GPD2: variants seen among roughly 807,000 people sequenced by gnomAD.
The protein encoded by GPD2 is glycerol-3-phosphate dehydrogenase, mitochondrial.
A neutral mutation model predicts 82.4 loss-of-function variants in GPD2; 54 were observed. The ratio of observed to expected loss-of-function variants is 0.66; its 90% confidence interval spans 0.53 to 0.82. The LOEUF (loss-of-function observed/expected upper bound fraction) is 0.82. Ranked by LOEUF, GPD2 falls within the 40% of genes least tolerant of loss-of-function variation. The probability of loss-of-function intolerance (pLI) is 0.00; values close to 1 mark genes in which losing one functional copy is unlikely to be tolerated. For missense variants in GPD2, 748 were observed against 896.2 expected (o/e 0.83, Z 2.11); for synonymous variants, 288 against 306.1 (o/e 0.94, Z 0.62).
chr2:156,579,250 G>A (rs1574022855), intron 15 of GPD2, 86 bp downstream of exon 15: 1 of 765,326 alleles, frequency 1.3e-6, no homozygotes, highest in Non-Finnish European at 2.3e-6. Context: ...TTTTCTACAA[G>A]TAATATTTTT....
intron 1 of GPD2, among the ~76,000 whole-genome samples, chr2:156,443,806 C>T (rs1350108993): frequency 6.6e-6 from 1 of 152,184 alleles, no homozygotes; most frequent in African/African-American, 2.4e-5. Flanking sequence ...CAATTTCTCC[C>T]TTCCCCCTAC....
Position 156,569,477 on chromosome 2 carries a change from G to C in GPD2, c.1415G>C (p.Gly472Ala). 6.2e-7 allele frequency: 1 copy of C among 1,612,932 alleles called. No homozygotes were observed. Among genetic ancestry groups the C allele is most frequent in the Non-Finnish European group, 8.5e-7 (1 of 1,179,102 alleles). Residue 472 changes from glycine (G) to alanine (A), a missense_variant, in exon 11 of 17, where the codon GGT (glycine) becomes GCT (alanine). Physicochemically the swap from Gly to Ala is moderately conservative, Grantham distance 60 (BLOSUM62 0). Around this residue, in one of 3 missense-constraint regions of GPD2, gnomAD observed 692 missense variants for 809.7 expected, o/e 0.85. Transcript: ENST00000438166. Reference protein sequence around the residue: ...SRTVGLFLQGGKDWSPTLYIR... With the variant: ...SRTVGLFLQGAKDWSPTLYIR... ...ACAGTTGGGCTTTTCCTTCAAGGGG[G>C]TAAAGATTGGAGCCCCACACTCTAC... is the stretch of plus-strand genomic sequence containing the variant.
rs769451181 is a variant in GPD2 at position 156,570,069 on chromosome 2, G to A, written c.1477-18G>A. On this transcript the variant is annotated intron_variant, in intron 11 of 16. Transcript: ENST00000438166. ...TTGATATTCAAAGTGCCTGCCTAAC[G>A]CAGCTTTATTTCTCTAGGTGGCACA... The A allele has an allele frequency of 1.9e-5, 30 of 1,609,366 alleles. No homozygotes were observed. Among genetic ancestry groups the A allele is most frequent in the Admixed American group, 1.0e-4 (6 of 59,868 alleles).
chr2:156,557,950 T>G (rs1042404035), intron 9 of GPD2, among the ~76,000 whole-genome samples: 2 of 152,198 alleles, frequency 1.3e-5, no homozygotes, highest in Non-Finnish European at 2.9e-5. Flanking sequence ...CAATAGGAAA[T>G]AATTAAGCAA....
At chr2:156,439,443 A>T (rs1238208669) in intron 1 of GPD2, among the ~76,000 whole-genome samples, 5 of 141,748 alleles carry the variant, frequency 3.5e-5, no homozygotes, top group Admixed American at 7.3e-5. Context: ...TTAACCAGGC[A>T]TGGTGGCACG....
chr2:156,577,108 T>G (rs1558971072), intron 13 of GPD2, among the ~76,000 whole-genome samples: 4 of 152,218 alleles, frequency 2.6e-5, no homozygotes, highest in Non-Finnish European at 5.9e-5. Flanking sequence ...TTTAATTTTG[T>G]TATTTAAGAA....
chr2:156,451,461 GCGGGGGGC>G (rs1682574419), intron 1 of GPD2, among the ~76,000 whole-genome samples: 2 of 102,608 alleles, frequency 1.9e-5, no homozygotes, highest in Non-Finnish European at 2.1e-5. Flanking sequence ...GGCTGGCCGG[GCGGGGGGC>G]TGACCCCCCC....
intron 8 of GPD2, among the ~76,000 whole-genome samples, chr2:156,556,247 G>A (rs371866826): frequency 4.6e-5 from 7 of 151,938 alleles, no homozygotes; most frequent in Non-Finnish European, 8.8e-5. Context: ...ATAGAATTAC[G>A]TTTCCATATT....
the GPD2 span, among the ~76,000 whole-genome samples, chr2:156,400,775 G>A: frequency 1.4e-4 from 21 of 152,234 alleles, no homozygotes; most frequent in Non-Finnish European, 2.2e-4. Flanking sequence ...GCTGGGGGAT[G>A]TAGCTCAGTG....
At chr2:156,511,142 G>GA (rs2105270054) in intron 4 of GPD2, among the ~76,000 whole-genome samples, 1 of 152,306 alleles carries the variant, frequency 6.6e-6, no homozygotes, top group Non-Finnish European at 1.5e-5. Flanking sequence ...CAAGCATGTT[G>GA]AAGTAGCAGA....
At chr2:156,552,108 C>T (rs1364272825) in intron 8 of GPD2, among the ~76,000 whole-genome samples, 1 of 152,126 alleles carries the variant, frequency 6.6e-6, no homozygotes, top group Non-Finnish European at 1.5e-5. Context: ...TAATTGGTAC[C>T]AGATACACTT....
chr2:156,470,953 C>T (rs1228514397), intron 1 of GPD2, among the ~76,000 whole-genome samples: 4 of 152,228 alleles, frequency 2.6e-5, no homozygotes, highest in African/African-American at 9.6e-5. Flanking sequence ...ACCTATTACT[C>T]TTGGGAGTTT....
Position 156,465,341 on chromosome 2 carries a change from TTTTC to T in GPD2, c.-8-10737_-8-10734del, listed in dbSNP as rs201925128. Among the ~76,000 whole-genome samples the T allele has an allele frequency of 2.8e-3, 323 of 113,966 alleles. 3 individuals are homozygous for T. Among genetic ancestry groups the T allele is most frequent in the African/African-American group, 9.0e-3 (306 of 34,050 alleles). 74.8% of individuals were successfully genotyped at this position (113,966 alleles called of 152,430 possible). A position where few individuals can be genotyped will look rare whatever the true frequency, so the allele number is the denominator to read the frequency against. On this transcript the variant is annotated intron_variant, in intron 1 of 16. Transcript: ENST00000438166. The stretch of plus-strand genomic sequence containing the variant: ...GCAAGGTAAAGGACTTTTTCTTTTC[TTTTC>T]TTTCTTTCTTTCTTTCTTTTTTTTT...
chr2:156,527,524 C>T (rs536603605), intron 6 of GPD2, among the ~76,000 whole-genome samples: 15 of 152,046 alleles, frequency 9.9e-5, no homozygotes, highest in South Asian at 2.1e-4. Context: ...TACAGGCACA[C>T]GCAACTAACC....
At chr2:156,569,018 A>C (rs1171310806) in intron 10 of GPD2, 59 bp downstream of exon 10, 11 of 1,375,210 alleles carry the variant, frequency 8.0e-6, no homozygotes, top group Non-Finnish European at 1.1e-5. Context: ...TTATAGGGAC[A>C]GGGTCTCACC....
the GPD2 span, among the ~76,000 whole-genome samples, chr2:156,419,221 G>T: frequency 6.6e-6 from 1 of 151,858 alleles, no homozygotes; most frequent in African/African-American, 2.4e-5. Flanking sequence ...CACCACGGCC[G>T]GCTAATTTTG....
chr2:156,471,539 A>G (rs760399156), intron 1 of GPD2, among the ~76,000 whole-genome samples: 3 of 152,142 alleles, frequency 2.0e-5, no homozygotes, highest in Non-Finnish European at 4.4e-5. Context: ...GCCAAACGAG[A>G]TAACTATTTG....
chr2:156,532,707 C>T (rs1685914072), intron 6 of GPD2, among the ~76,000 whole-genome samples: 2 of 152,042 alleles, frequency 1.3e-5, no homozygotes, highest in South Asian at 2.1e-4. Context: ...TGGATGAAAC[C>T]AAGTCAGAAA....
intron 6 of GPD2, among the ~76,000 whole-genome samples, chr2:156,549,235 A>G (rs1048533349): frequency 1.3e-5 from 2 of 152,220 alleles, no homozygotes; most frequent in African/African-American, 2.4e-5. Context: ...CAAATATTCT[A>G]AAGTTTTGAA....
Sources: allele counts gnomAD v4.1 joint callset (sites outside exome capture counted in the v4.1 genomes callset), GRCh38; gene constraint gnomAD v4.1.1; regional missense constraint gnomAD v4.1.1; transcripts MANE v1.5; gene names NCBI Gene and HGNC (gene_info 2026-07-23, HGNC 2026-07-21).